THOC2: variants seen among roughly 807,000 people sequenced by gnomAD.
THOC2 encodes the protein THO complex 2.
Under a neutral mutation model 128.4 loss-of-function variants are expected in THOC2, and 10 were observed. The observed-to-expected ratio is 0.08, with a 90% CI of 0.05 to 0.13. The LOEUF (loss-of-function observed/expected upper bound fraction) is 0.13. THOC2 is among the 10% of genes least tolerant of loss of function. The probability of loss-of-function intolerance (pLI) is 1.00; values close to 1 mark genes in which losing one functional copy is unlikely to be tolerated. For synonymous variants in THOC2, 393 were observed against 396.9 expected (o/e 0.99, Z 0.12); for missense variants, 535 against 1,155.7 (o/e 0.46, Z 7.79).
At chrX:123,648,212 ACT>A (rs1238405339) in intron 12 of THOC2, among the ~76,000 whole-genome samples, 1 of 110,890 alleles carries the variant, frequency 9.0e-6, no homozygotes, top group Non-Finnish European at 1.9e-5. Context: ...GGGTCGGGGA[ACT>A]CTCTCCCCTA....
At chrX:123,618,614 C>T (rs2046976696) in intron 33 of THOC2, among the ~76,000 whole-genome samples, 1 of 111,651 alleles carries the variant, frequency 9.0e-6, no homozygotes, top group South Asian at 3.7e-4. Context: ...TGAGCAGATT[C>T]ATTTGCTTGT....
At chrX:123,729,964 T>C (rs2052156397) in intron 1 of THOC2, among the ~76,000 whole-genome samples, 1 of 111,981 alleles carries the variant, frequency 8.9e-6, no homozygotes, top group African/African-American at 3.2e-5. Context: ...AACTAAGTAC[T>C]GGATGGTGAT....
chrX:123,626,902 T>A (rs1463472238), intron 23 of THOC2, among the ~76,000 whole-genome samples: 1 of 111,490 alleles, frequency 9.0e-6, no homozygotes, highest in Non-Finnish European at 1.9e-5. Context: ...TCAGGCATGG[T>A]GTCATCTTTG....
At chrX:123,618,187 T>C (rs1166267826) in intron 33 of THOC2, among the ~76,000 whole-genome samples, 2 of 111,694 alleles carry the variant, frequency 1.8e-5, no homozygotes, top group African/African-American at 6.5e-5. Flanking sequence ...ATAATGTCAT[T>C]AGGTTGATGT....
At chrX:123,726,968 G>C (rs978089931) in intron 1 of THOC2, among the ~76,000 whole-genome samples, 4 of 111,550 alleles carry the variant, frequency 3.6e-5, no homozygotes, top group Non-Finnish European at 7.5e-5. Flanking sequence ...GGGAGGCTGA[G>C]GGGGGAGGAT....
intron 18 of THOC2, among the ~76,000 whole-genome samples, chrX:123,636,776 T>C (rs1411569220): frequency 9.0e-6 from 1 of 111,557 alleles, no homozygotes; most frequent in African/African-American, 3.3e-5. Context: ...GAGTAGGAGA[T>C]TCAAGTAAAG....
chrX:123,625,070 G>A (rs1395136552), intron 25 of THOC2, among the ~76,000 whole-genome samples: 1 of 110,891 alleles, frequency 9.0e-6, no homozygotes, highest in East Asian at 2.8e-4. Context: ...TGACATACTG[G>A]AACATACATT....
intron 22 of THOC2, among the ~76,000 whole-genome samples, chrX:123,628,692 CAGA>C (rs1458621903): frequency 9.8e-6 from 1 of 102,246 alleles, no homozygotes; most frequent in African/African-American, 3.7e-5. Flanking sequence ...GACTGGATGA[CAGA>C]AGGAGACTGT....
At chrX:123,642,340 G>A (rs754790135) in intron 15 of THOC2, among the ~76,000 whole-genome samples, 5 of 108,067 alleles carry the variant, frequency 4.6e-5, no homozygotes, top group South Asian at 4.1e-4. Context: ...CAGGATAATC[G>A]CTTGAACACA....
At chrX:123,613,801 A>G in intron 34 of THOC2, 93 bp from the exon 35 acceptor site, 2 of 858,407 alleles carry the variant, frequency 2.3e-6, no homozygotes, top group Admixed American at 4.8e-5. Context: ...GCTAACTAGC[A>G]ATGGAGAGTA....
chrX:123,699,559 G>T, intron 4 of THOC2, among the ~76,000 whole-genome samples: 1 of 111,189 alleles, frequency 9.0e-6, no homozygotes, highest in Non-Finnish European at 1.9e-5. Flanking sequence ...TAAAGATACT[G>T]ATTTTAAGGG....
chrX:123,714,800 A>T (rs2051336204), intron 1 of THOC2, among the ~76,000 whole-genome samples: 1 of 111,708 alleles, frequency 9.0e-6, no homozygotes, highest in Admixed American at 9.6e-5. Context: ...TTTTCCAAAC[A>T]CAATGGAATA....
chrX:123,619,586 A>C (rs1255810170), intron 32 of THOC2, 150 bp from the exon 33 acceptor site: 1 of 520,562 alleles, frequency 1.9e-6, no homozygotes, highest in African/African-American at 2.4e-5. Context: ...GAATATCAAC[A>C]ATAAAAAAAA....
chrX:123,637,745 G>A (rs931102108), intron 18 of THOC2, among the ~76,000 whole-genome samples: 1 of 111,135 alleles, frequency 9.0e-6, no homozygotes, highest in Admixed American at 9.6e-5. Context: ...GGATGACAGA[G>A]TGAGACTCCA....
At chrX:123,624,495 G>A in intron 26 of THOC2, 46 bp downstream of exon 26, 1 of 1,146,429 alleles carries the variant, frequency 8.7e-7, no homozygotes, top group Non-Finnish European at 1.2e-6. Flanking sequence ...AATGGATGTG[G>A]TCATTATATA....
At chrX:123,675,051 T>C (rs1225140546) in intron 8 of THOC2, among the ~76,000 whole-genome samples, 1 of 112,096 alleles carries the variant, frequency 8.9e-6, no homozygotes, top group Admixed American at 9.5e-5. Flanking sequence ...TTAAGTCATA[T>C]AGGAAAAAAA....
At chrX:123,656,371 A>G (rs1357084458) in intron 12 of THOC2, among the ~76,000 whole-genome samples, 1 of 100,735 alleles carries the variant, frequency 9.9e-6, no homozygotes, top group Non-Finnish European at 2.0e-5. Flanking sequence ...AGAGAGAGAG[A>G]GGAACTTATG....
chrX:123,684,076 C>T (rs1460558331), intron 8 of THOC2, among the ~76,000 whole-genome samples: 1 of 110,622 alleles, frequency 9.0e-6, no homozygotes, highest in African/African-American at 3.3e-5. Context: ...TACTGTTGAC[C>T]CCCCCGGGTA....
chrX:123,662,725 C>T (rs774139850), intron 12 of THOC2, among the ~76,000 whole-genome samples: 57 of 111,488 alleles, frequency 5.1e-4, no homozygotes, highest in Non-Finnish European at 9.6e-4. Flanking sequence ...TCTGATAAGG[C>T]CTTGCATCCA....
Sources: gnomAD v4.1 joint callset for allele counts (sites outside exome capture counted in the v4.1 genomes callset) on GRCh38, gnomAD v4.1.1 for gene constraint, MANE v1.5 for transcripts, NCBI Gene and HGNC (gene_info 2026-07-23, HGNC 2026-07-21) for gene names.